Variants in GBP7 observed in about 807,000 individuals in gnomAD.
GBP7 encodes guanylate binding protein 7, also known as guanylate-binding protein 7.
GBP7 carries 43 observed loss-of-function variants against 61.3 expected under a neutral mutation model. The observed-to-expected ratio is 0.70, with a 90% confidence interval of 0.55 to 0.91. The LOEUF is 0.91. Among genes scored for constraint, GBP7 ranks in the 40% least tolerant of loss-of-function variants. GBP7 has a pLI of 0.00. For missense variants in GBP7, 717 were observed against 740.5 expected, an observed-to-expected ratio of 0.97 and a Z score of 0.37; for synonymous variants, 267 against 271.0, an observed-to-expected ratio of 0.99 and a Z score of 0.14.
At chr1:89,159,806 T>C (rs1053210093) in intron 3 of GBP7, among the ~76,000 whole-genome samples, 4 of 152,184 alleles carry the variant, frequency 2.6e-5, no homozygotes, top group African/African-American at 9.7e-5. Flanking sequence ...GGCGTGGTGA[T>C]TCCACAAGGA....
intron 3 of GBP7, among the ~76,000 whole-genome samples, chr1:89,160,127 C>T (rs144208430): frequency 9.2e-5 from 14 of 152,206 alleles, no homozygotes; most frequent in South Asian, 2.1e-4. Flanking sequence ...AAGCAAACAC[C>T]GCATGTTCTC....
chr1:89,152,898 C>G (rs1471724589), intron 3 of GBP7, 121 bp from the exon 4 acceptor site: 2 of 604,172 alleles, frequency 3.3e-6, no homozygotes, highest in Non-Finnish European at 5.4e-6. Flanking sequence ...AATGCTGTGT[C>G]TAAAGGAAAC....
intron 8 of GBP7, among the ~76,000 whole-genome samples, chr1:89,142,764 G>A (rs1167841859): frequency 7.9e-6 from 1 of 126,698 alleles, no homozygotes; most frequent in East Asian, 2.3e-4. Context: ...ATTTTTTGAC[G>A]GTTATTTTCC....
intron 9 of GBP7, among the ~76,000 whole-genome samples, chr1:89,139,536 A>G (rs1307363512): frequency 1.3e-5 from 2 of 152,350 alleles, no homozygotes; most frequent in African/African-American, 4.8e-5. Context: ...AAATTTTTGC[A>G]ACCTACTCAT....
At chr1:89,144,677 A>G (rs1173213053) in intron 8 of GBP7, among the ~76,000 whole-genome samples, 2 of 152,188 alleles carry the variant, frequency 1.3e-5, no homozygotes, top group African/African-American at 4.8e-5. Flanking sequence ...ACATTGTGAA[A>G]TGATTATTAT....
intron 9 of GBP7, 105 bp downstream of exon 9, chr1:89,141,441 A>G (rs1166271653): frequency 8.8e-6 from 8 of 906,202 alleles, no homozygotes; most frequent in African/African-American, 8.3e-5. Context: ...TGTGTTCCCT[A>G]TGAGAAGAAA....
intron 3 of GBP7, among the ~76,000 whole-genome samples, chr1:89,156,006 C>A (rs1682308600): frequency 6.6e-6 from 1 of 152,228 alleles, no homozygotes. Context: ...AATAGCAGAT[C>A]TCTTGGCAGA....
chr1:89,157,876 G>T (rs1682352835), intron 3 of GBP7, among the ~76,000 whole-genome samples: 1 of 152,156 alleles, frequency 6.6e-6, no homozygotes, highest in Non-Finnish European at 1.5e-5. Context: ...GCATCATCCT[G>T]ATACCAAAGC....
intron 2 of GBP7, among the ~76,000 whole-genome samples, chr1:89,168,891 C>T (rs765148105): frequency 6.6e-6 from 1 of 152,104 alleles, no homozygotes; most frequent in East Asian, 1.9e-4. Context: ...ATCGCTTGAA[C>T]CCGGGAGGCG....
At chr1:89,145,063 C>T (rs558196558) in intron 8 of GBP7, among the ~76,000 whole-genome samples, 1 of 151,332 alleles carries the variant, frequency 6.6e-6, no homozygotes, top group East Asian at 2.0e-4. Context: ...AGTAATTCTC[C>T]TGCCTCAGCC....
chr1:89,136,805 T>C (rs2100635688), intron 9 of GBP7, among the ~76,000 whole-genome samples: 1 of 151,732 alleles, frequency 6.6e-6, no homozygotes, highest in Middle Eastern at 3.4e-3. Flanking sequence ...ATAACCAAAA[T>C]CAGACTTGAA....
At chr1:89,166,729 A>G (rs979315678) in intron 2 of GBP7, among the ~76,000 whole-genome samples, 1 of 152,218 alleles carries the variant, frequency 6.6e-6, no homozygotes, top group Non-Finnish European at 1.5e-5. Context: ...AGATGTTGCC[A>G]ATCCACAACC....
chr1:89,163,604 C>T (rs1647337119), intron 3 of GBP7, among the ~76,000 whole-genome samples: 1 of 151,942 alleles, frequency 6.6e-6, no homozygotes, highest in Non-Finnish European at 1.5e-5. Flanking sequence ...GTAACCATCC[C>T]CCTGTCGTTT....
Position 89,132,019 on chromosome 1 carries a change from T to C in GBP7, c.*130A>G. 3 of 612,966 alleles carry C rather than the reference T, an allele frequency of 4.9e-6. No individual in the cohort carries two copies. The highest frequency in any genetic ancestry group is 7.9e-6 in the Non-Finnish European group (3 of 381,710). The allele number at this position is 612,966 out of a possible 1,614,324, so 38.0% of individuals were successfully genotyped here. ...ACTTTAGTCAAAATTAAGTTTGTTT[T>C]TATGAACTTCAGGCCATAATATTCT... On this transcript the variant is annotated 3_prime_UTR_variant, in exon 11 of 11. Coordinates refer to ENST00000294671, the MANE Select transcript of GBP7 (RefSeq NM_207398.3).
intron 1 of GBP7, among the ~76,000 whole-genome samples, chr1:89,174,055 A>C (rs1013942108): frequency 2.6e-5 from 4 of 152,178 alleles, no homozygotes; most frequent in Non-Finnish European, 5.9e-5. Flanking sequence ...AAATCCCTCC[A>C]CATCTGTTCA....
chr1:89,162,958 G>A (rs925394853), intron 3 of GBP7, among the ~76,000 whole-genome samples: 3 of 152,142 alleles, frequency 2.0e-5, no homozygotes, highest in Non-Finnish European at 4.4e-5. Context: ...TTTATTGAGA[G>A]TTTTTACCAT....
At chr1:89,152,181 A>G in intron 5 of GBP7, 87 bp downstream of exon 5, 1 of 1,148,504 alleles carries the variant, frequency 8.7e-7, no homozygotes. Context: ...AGTCCAATAT[A>G]AAAATTTGTG....
chr1:89,149,585 G>C lies in GBP7; in HGVS notation c.872-13C>G. 6.3e-7 allele frequency: 1 copy of C among 1,592,626 alleles called. No individual in the cohort carries two copies. The highest frequency in any genetic ancestry group is 8.6e-7 in the Non-Finnish European group (1 of 1,165,166). On this transcript the variant is annotated splice_polypyrimidine_tract_variant and intron_variant, in intron 6 of 10. Transcript: ENST00000294671. ...AGCATCCCCAGCCCTGAATGATTTA[G>C]GAAATTTAGGGAATAGATAGAAAGT...
intron 2 of GBP7, among the ~76,000 whole-genome samples, chr1:89,168,456 C>T (rs1647502988): frequency 6.6e-6 from 1 of 152,142 alleles, no homozygotes; most frequent in African/African-American, 2.4e-5. Context: ...ATTTTCCACC[C>T]ATGCTGACTA....
Sources: gnomAD v4.1 joint callset for allele counts (sites outside exome capture counted in the v4.1 genomes callset) on GRCh38, gnomAD v4.1.1 for gene constraint, MANE v1.5 for transcripts, NCBI Gene and HGNC (gene_info 2026-07-23, HGNC 2026-07-21) for gene names.